Variants in ZNF583 observed in about 807,000 individuals in gnomAD.
The protein encoded by ZNF583 is zinc finger protein L3-5.
In ZNF583, 30 loss-of-function variants were observed where a neutral mutation model predicts 55.3. The observed-to-expected ratio is 0.54, with a 90% CI of 0.41 to 0.74. ZNF583 has a LOEUF of 0.74. Ranked by LOEUF, ZNF583 falls within the 30% of genes least tolerant of loss-of-function variation. ZNF583 has a pLI of 0.00. For missense variants in ZNF583, 504 were observed against 664.7 expected (o/e 0.76, Z 2.66); for synonymous variants, 208 against 220.0 (o/e 0.95, Z 0.48).
rs1290722924 is a variant in ZNF583, at chr19:56,427,114, G to A, written c.*2746G>A. ...AGGATCCCTAGAGAAGTTCAGGCTT[G>A]GAGTTGGCTTATGTACAGGCTGTGG... On this transcript the variant is annotated 3_prime_UTR_variant, in exon 5 of 5. Transcript: ENST00000333201. 6.6e-6 allele frequency: 1 copy of A among 152,080 alleles called. No individual in the cohort carries two copies. Among genetic ancestry groups the A allele is most frequent in the African/African-American group, 2.4e-5 (1 of 41,388 alleles). The allele number at this position is 152,080 out of a possible 1,614,324, so 9.4% of individuals were successfully genotyped here. A position where few individuals can be genotyped will look rare whatever the true frequency, so the allele number is the denominator to read the frequency against.
At chr19:56,406,798 A>G (rs1000743015) in intron 1 of ZNF583, among the ~76,000 whole-genome samples, 1 of 152,066 alleles carries the variant, frequency 6.6e-6, no homozygotes, top group Non-Finnish European at 1.5e-5. Context: ...AAGTGCTGGG[A>G]TTACAGGCGT....
At chr19:56,408,236 C>G (rs1020193765) in intron 2 of ZNF583, among the ~76,000 whole-genome samples, 1 of 152,022 alleles carries the variant, frequency 6.6e-6, no homozygotes, top group Non-Finnish European at 1.5e-5. Flanking sequence ...CACACACACA[C>G]CTCTAGGTTA....
chr19:56,423,664 G>T lies in ZNF583; in HGVS notation c.1006G>T (p.Gly336Cys). 2 of 1,612,518 alleles carry T rather than the reference G, an allele frequency of 1.2e-6. No individual in the cohort carries two copies. The highest frequency in any genetic ancestry group is 1.7e-6 in the Non-Finnish European group (2 of 1,179,594). The change falls in exon 5 of 5, where the codon GGT (glycine) becomes TGT (cysteine). Residue 336 changes from glycine (G) to cysteine (C), a missense_variant. Gly to Cys is a radical substitution (Grantham distance 159, BLOSUM62 -3). Coordinates refer to ENST00000333201, the MANE Select transcript of ZNF583 (RefSeq NM_152478.3). ...CIECGKAFSN[G>C]SFLAQHQRIH... is the part of the protein sequence containing the mutation. ...TGAATGTGGAAAGGCCTTTAGTAATGGTTCATTTCTTGCTCAGCATCAGAG... is the reference window on the plus strand; with the variant it reads ...TGAATGTGGAAAGGCCTTTAGTAATTGTTCATTTCTTGCTCAGCATCAGAG...
Position 56,423,866 on chromosome 19 carries a change from C to G in ZNF583, c.1208C>G (p.Thr403Ser). 2 of 1,614,014 alleles carry G rather than the reference C, an allele frequency of 1.2e-6. No individual in the cohort carries two copies. The highest frequency in any genetic ancestry group is 1.7e-6 in the Non-Finnish European group (2 of 1,179,992). Residue 403 changes from threonine to serine, a missense_variant, in exon 5 of 5, where the codon ACT (threonine) becomes AGT (serine). This residue lies in a region of ZNF583 where 237 missense variants were observed against 373.0 expected (regional missense o/e 0.64). Transcript: ENST00000333201. ...AHLAQHQRVH[T>S]GEKPYECKVC... is the part of the protein sequence containing the mutation. ...CTTGCTCAACATCAGAGAGTTCATA[C>G]TGGAGAAAAACCTTATGAATGTAAA... is the stretch of plus-strand genomic sequence containing the variant.
intron 4 of ZNF583, 37 bp downstream of exon 4, chr19:56,414,477 C>T (rs1266376081): frequency 1.3e-5 from 21 of 1,563,346 alleles, no homozygotes; most frequent in East Asian, 2.2e-5. Context: ...GAAGCCATTG[C>T]CAGGAAAAGC....
chr19:56,407,465 G>A (rs2042172916), intron 2 of ZNF583, among the ~76,000 whole-genome samples: 1 of 152,218 alleles, frequency 6.6e-6, no homozygotes, highest in South Asian at 2.1e-4. Flanking sequence ...GTAACCACTA[G>A]CATAAATAAA....
At chr19:56,409,271 A>G (rs2042202515) in intron 2 of ZNF583, among the ~76,000 whole-genome samples, 1 of 152,246 alleles carries the variant, frequency 6.6e-6, no homozygotes, top group African/African-American at 2.4e-5. Flanking sequence ...GGTAATAGGC[A>G]TTCAGATGAA....
In ZNF583 at chr19:56,404,912, T is replaced by A. The variant is rs1397808677; in HGVS notation, c.-90+460T>A. On this transcript the variant is annotated intron_variant, in intron 1 of 4. Transcript: ENST00000333201. The surrounding 1 kb of genome is among the most constrained non-coding windows in gnomAD (Gnocchi z 5.2). ...GTGTAGACCACGTGTGAACAGTGTG[T>A]AAGACCATGTCACTGTGTGTGTGAC... Among the ~76,000 whole-genome samples the A allele has an allele frequency of 6.6e-6, 1 of 152,028 alleles. No individual in the cohort carries two copies.
chr19:56,414,482 A>C, intron 4 of ZNF583, 42 bp downstream of exon 4: 2 of 1,557,794 alleles, frequency 1.3e-6, no homozygotes, highest in Admixed American at 3.6e-5. Context: ...CATTGCCAGG[A>C]AAAGCTCAGC....
intron 3 of ZNF583, 111 bp from the exon 4 acceptor site, chr19:56,414,234 C>G: frequency 6.6e-7 from 1 of 1,503,898 alleles, no homozygotes; most frequent in South Asian, 1.1e-5. Flanking sequence ...CTTCATCTTC[C>G]CCATTCTTAT....
chr19:56,408,117 A>G (rs558844748), intron 2 of ZNF583, among the ~76,000 whole-genome samples: 1 of 152,348 alleles, frequency 6.6e-6, no homozygotes, highest in African/African-American at 2.4e-5. Context: ...ATATTATTTT[A>G]AATCAGTGGG....
Position 56,425,133 on chromosome 19 carries a change from C to T in ZNF583, c.*765C>T, listed in dbSNP as rs886105714. The T allele has an allele frequency of 2.6e-5, 4 of 151,762 alleles. No homozygotes were observed. Among genetic ancestry groups the T allele is most frequent in the Admixed American group, 2.6e-4 (4 of 15,242 alleles). 9.4% of individuals were successfully genotyped at this position (151,762 alleles called of 1,614,324 possible). On this transcript the variant is annotated 3_prime_UTR_variant, in exon 5 of 5. Coordinates refer to ENST00000333201, the MANE Select transcript of ZNF583 (RefSeq NM_152478.3). ...TAACAGTAGGATTTACATTAGAGTCCATGATATAGGGTAAGATGGTGGCTT... is the reference window on the plus strand; with the variant it reads ...TAACAGTAGGATTTACATTAGAGTCTATGATATAGGGTAAGATGGTGGCTT...
rs1398563252 is a variant in ZNF583, at chr19:56,425,040, G to C, written c.*672G>C. 2.0e-5 allele frequency: 3 copies of C among 151,710 alleles called. No homozygotes were observed. The highest frequency in any genetic ancestry group is 6.6e-5 in the Admixed American group (1 of 15,234). The allele number at this position is 151,710 out of a possible 1,614,324, so 9.4% of individuals were successfully genotyped here. A position where few individuals can be genotyped will look rare whatever the true frequency, so the allele number is the denominator to read the frequency against. ...AAGAGATGCAGCAGCTCAGGACTGA[G>C]AGATTGTGAAGTTTTTTTTTTTTTA... On this transcript the variant is annotated 3_prime_UTR_variant, in exon 5 of 5. Coordinates refer to ENST00000333201, the MANE Select transcript of ZNF583 (RefSeq NM_152478.3).
chr19:56,420,064 A>G (rs2042389903), intron 4 of ZNF583, among the ~76,000 whole-genome samples: 1 of 152,306 alleles, frequency 6.6e-6, no homozygotes, highest in African/African-American at 2.4e-5. Context: ...TAACATAAGC[A>G]TTTGAAAACT....
chr19:56,424,324 T>A lies in ZNF583; in HGVS notation c.1666T>A (p.Ser556Thr). The stretch of plus-strand genomic sequence containing the variant: ...CTTGACTCTTTCCTCTCCCTCACCC[T>A]CCACATCAAATCAGTTGCCAAGACC... ...SFLTLSSPSP[S>T]TSNQLPRPVG... Residue 556 changes from serine to threonine, a missense_variant, in exon 5 of 5, where the codon TCC (serine) becomes ACC (threonine). By Grantham distance (58) the Ser-to-Thr change is moderately conservative (BLOSUM62 1). Around this residue, in one of 3 missense-constraint regions of ZNF583, gnomAD observed 63 missense variants for 56.5 expected, o/e 1.11. Coordinates refer to ENST00000333201, the MANE Select transcript of ZNF583 (RefSeq NM_152478.3). 1 of 1,593,504 alleles carries A rather than the reference T, an allele frequency of 6.3e-7. No homozygotes were observed. The highest frequency in any genetic ancestry group is 8.6e-7 in the Non-Finnish European group (1 of 1,161,752).
chr19:56,416,449 A>G (rs770282569), intron 4 of ZNF583, among the ~76,000 whole-genome samples: 6 of 151,208 alleles, frequency 4.0e-5, no homozygotes, highest in Non-Finnish European at 5.9e-5. Flanking sequence ...TTTTTTCTGT[A>G]CTAATTCATA....
At chr19:56,413,184 G>A (rs543987352) in intron 2 of ZNF583, among the ~76,000 whole-genome samples, 2 of 152,322 alleles carry the variant, frequency 1.3e-5, no homozygotes, top group South Asian at 4.1e-4. Context: ...ATTGTGAAAT[G>A]TGTAATATGA....
intron 4 of ZNF583, among the ~76,000 whole-genome samples, chr19:56,421,809 AGAGT>A (rs1340635868): frequency 3.3e-5 from 5 of 152,308 alleles, no homozygotes; most frequent in African/African-American, 1.2e-4. Context: ...ATAAGAATAG[AGAGT>A]AAGTTAACAT....
intron 4 of ZNF583, among the ~76,000 whole-genome samples, chr19:56,422,495 C>G (rs917651): frequency 0.56 from 85,536 of 151,946 alleles, 24,460 homozygotes; most frequent in East Asian, 0.88. Flanking sequence ...ATACTGCCTA[C>G]TGTTGTTTTT....
Sources: gnomAD v4.1 joint callset for allele counts (sites outside exome capture counted in the v4.1 genomes callset) on GRCh38, gnomAD v4.1.1 for gene constraint, gnomAD v4.1.1 regional missense constraint, Gnocchi (gnomAD v3.1) non-coding constraint, MANE v1.5 for transcripts, NCBI Gene and HGNC (gene_info 2026-07-23, HGNC 2026-07-21) for gene names.